LDB2: variants seen among roughly 807,000 people sequenced by gnomAD.
The protein encoded by LDB2 is LIM domain binding 2, also known as LIM domain-binding protein 2.
Under a neutral mutation model 44.3 loss-of-function variants are expected in LDB2, and 12 were observed. That is an observed-to-expected ratio of 0.27 (90% CI 0.17 to 0.44). The LOEUF is 0.44. LDB2 is among the 20% of genes least tolerant of loss of function. LDB2 has a pLI of 1.00. For missense variants in LDB2, 344 were observed against 473.5 expected (o/e 0.73, Z 2.54); for synonymous variants, 164 against 174.8 (o/e 0.94, Z 0.49).
intron 5 of LDB2, among the ~76,000 whole-genome samples, chr4:16,552,680 A>G (rs1560450236): frequency 6.6e-6 from 1 of 152,250 alleles, no homozygotes; most frequent in East Asian, 1.9e-4. Flanking sequence ...TATCAAATCC[A>G]AGCAATAGCT....
intron 1 of LDB2, among the ~76,000 whole-genome samples, chr4:16,846,855 T>C (rs1478928018): frequency 1.3e-5 from 2 of 152,216 alleles, no homozygotes; most frequent in Admixed American, 6.5e-5. Context: ...ATTTCAACAA[T>C]TTCTGTGGAT....
At chr4:16,542,985 T>C (rs574679821) in intron 5 of LDB2, among the ~76,000 whole-genome samples, 45 of 139,668 alleles carry the variant, frequency 3.2e-4, no homozygotes, top group Non-Finnish European at 4.8e-4. Flanking sequence ...CCAAGTGTTC[T>C]TATTTTCACT....
intron 2 of LDB2, among the ~76,000 whole-genome samples, chr4:16,757,662 G>T (rs1561122959): frequency 6.6e-6 from 1 of 152,164 alleles, no homozygotes; most frequent in Non-Finnish European, 1.5e-5. Context: ...ATGGATGACT[G>T]CTTGGTTAGA....
intron 1 of LDB2, among the ~76,000 whole-genome samples, chr4:16,880,013 C>A (rs965352692): frequency 1.6e-4 from 24 of 152,136 alleles, no homozygotes; most frequent in African/African-American, 4.3e-4. Context: ...CTATGCCAGA[C>A]GTGTTTGCTT....
At chr4:16,537,399 G>A (rs1732229743) in intron 5 of LDB2, among the ~76,000 whole-genome samples, 1 of 152,110 alleles carries the variant, frequency 6.6e-6, no homozygotes, top group Non-Finnish European at 1.5e-5. Flanking sequence ...AATAATTCAG[G>A]AAAAAACAAA....
At chr4:16,775,365 C>T (rs1403459453) in intron 1 of LDB2, among the ~76,000 whole-genome samples, 1 of 152,142 alleles carries the variant, frequency 6.6e-6, no homozygotes, top group South Asian at 2.1e-4. Context: ...TGCCAGAGGA[C>T]CTGGGTCTAG....
chr4:16,727,270 G>A (rs1013080478), intron 2 of LDB2, among the ~76,000 whole-genome samples: 4 of 152,186 alleles, frequency 2.6e-5, no homozygotes, highest in African/African-American at 9.6e-5. Flanking sequence ...TAGGAGAAGA[G>A]CAGGGGAGGT....
intron 5 of LDB2, among the ~76,000 whole-genome samples, chr4:16,585,394 T>C (rs1716411602): frequency 1.3e-5 from 2 of 152,168 alleles, no homozygotes; most frequent in Admixed American, 1.3e-4. Context: ...CTGGGGAATC[T>C]AAGCTGTAGA....
intron 5 of LDB2, among the ~76,000 whole-genome samples, chr4:16,514,977 C>T (rs181364190): frequency 1.3e-5 from 2 of 152,258 alleles, no homozygotes; most frequent in East Asian, 3.9e-4. Context: ...CAAAAGGACA[C>T]CTTTACTCAT....
chr4:16,848,097 G>T lies in LDB2; in HGVS notation c.132+50257C>A, dbSNP rs189658732. ...TGAATGCTGAAAGGTATTTATTTTT[G>T]AAATCCAGCTACTTGTCTCTGTTTT... On this transcript the variant is annotated intron_variant, in intron 1 of 7. Coordinates refer to ENST00000304523, the MANE Select transcript of LDB2 (RefSeq NM_001290.5). 1.6e-3 allele frequency among the ~76,000 whole-genome samples: 236 copies of T among 152,218 alleles called. 1 individual carries two copies. The highest frequency in any genetic ancestry group is 5.4e-3 in the African/African-American group (223 of 41,536).
chr4:16,503,450 A>G (rs1029674066), intron 7 of LDB2, among the ~76,000 whole-genome samples: 1 of 152,220 alleles, frequency 6.6e-6, no homozygotes, highest in African/African-American at 2.4e-5. Flanking sequence ...TATGCAGCCA[A>G]TATCCTTGAC....
chr4:16,559,668 G>T (rs1290399055), intron 5 of LDB2, among the ~76,000 whole-genome samples: 2 of 151,958 alleles, frequency 1.3e-5, no homozygotes, highest in African/African-American at 2.4e-5. Context: ...GAGACAGAAA[G>T]TCAACAAGGA....
At chr4:16,639,779 A>T (rs1734644769) in intron 2 of LDB2, among the ~76,000 whole-genome samples, 1 of 152,216 alleles carries the variant, frequency 6.6e-6, no homozygotes, top group Non-Finnish European at 1.5e-5. Context: ...AATTATTGAA[A>T]TGTAGCCCCT....
intron 1 of LDB2, among the ~76,000 whole-genome samples, chr4:16,801,343 T>C (rs1644089841): frequency 6.6e-6 from 1 of 152,212 alleles, no homozygotes; most frequent in African/African-American, 2.4e-5. Context: ...TGCTTTAGTT[T>C]ATTTACTTAT....
chr4:16,818,746 A>C (rs207679), intron 1 of LDB2, among the ~76,000 whole-genome samples: 1 of 152,122 alleles, frequency 6.6e-6, no homozygotes, highest in East Asian at 1.9e-4. Context: ...CCAAGAAGGA[A>C]GTTGTATATA....
At chr4:16,682,073 G>C (rs1217375006) in intron 2 of LDB2, among the ~76,000 whole-genome samples, 1 of 152,134 alleles carries the variant, frequency 6.6e-6, no homozygotes, top group Non-Finnish European at 1.5e-5. Context: ...AATATCATTT[G>C]AACATTGCTC....
At chr4:16,594,604 C>CCAA (rs1720241307) in intron 3 of LDB2, among the ~76,000 whole-genome samples, 1 of 152,168 alleles carries the variant, frequency 6.6e-6, no homozygotes, top group South Asian at 2.1e-4. Context: ...GTTTCGTACA[C>CCAA]CAGCATGGGC....
chr4:16,886,736 G>A (rs921447508), intron 1 of LDB2, among the ~76,000 whole-genome samples: 3 of 152,030 alleles, frequency 2.0e-5, no homozygotes, highest in Non-Finnish European at 4.4e-5. Context: ...TGACACTAAA[G>A]ATCAACACTG....
At chr4:16,516,256 A>G (rs1242582768) in intron 5 of LDB2, among the ~76,000 whole-genome samples, 1 of 152,234 alleles carries the variant, frequency 6.6e-6, no homozygotes, top group Non-Finnish European at 1.5e-5. Flanking sequence ...AACAATACCC[A>G]TCTTATATAC....
Sources: gnomAD v4.1 joint callset for allele counts (sites outside exome capture counted in the v4.1 genomes callset) on GRCh38, gnomAD v4.1.1 for gene constraint, MANE v1.5 for transcripts, NCBI Gene and HGNC (gene_info 2026-07-23, HGNC 2026-07-21) for gene names.